RBMS2: variants seen among roughly 807,000 people sequenced by gnomAD.
The protein encoded by RBMS2 is RNA-binding motif, single-stranded-interacting protein 2.
In RBMS2, 38 loss-of-function variants were observed where a neutral mutation model predicts 58.4. That is an observed-to-expected ratio of 0.65 (90% CI 0.50 to 0.85). The LOEUF (loss-of-function observed/expected upper bound fraction) is 0.85. RBMS2 is among the 40% of genes least tolerant of loss of function. The pLI, the probability that RBMS2 is intolerant of heterozygous loss-of-function variation, is 0.00. For missense variants in RBMS2, 367 were observed against 503.7 expected, an observed-to-expected ratio of 0.73 and a Z score of 2.60; for synonymous variants, 151 against 180.7, an observed-to-expected ratio of 0.84 and a Z score of 1.32.
At chr12:56,552,833 C>T (rs1415205616) in intron 1 of RBMS2, among the ~76,000 whole-genome samples, 1 of 151,362 alleles carries the variant, frequency 6.6e-6, no homozygotes, top group African/African-American at 2.4e-5. Context: ...CAGTGCAAGA[C>T]CCTGTCTCAA....
At chr12:56,561,952 C>T (rs899801817) in intron 1 of RBMS2, among the ~76,000 whole-genome samples, 2 of 152,120 alleles carry the variant, frequency 1.3e-5, no homozygotes, top group African/African-American at 4.8e-5. Context: ...GGACTACAGG[C>T]GCCCACCACC....
chr12:56,523,851 G>A (rs1292934008), intron 1 of RBMS2, among the ~76,000 whole-genome samples: 14 of 152,092 alleles, frequency 9.2e-5, no homozygotes, highest in Admixed American at 9.2e-4. Flanking sequence ...TCAAATATAT[G>A]TATAGATAAT....
intron 1 of RBMS2, among the ~76,000 whole-genome samples, chr12:56,550,347 A>T (rs1878023463): frequency 6.6e-6 from 1 of 152,028 alleles, no homozygotes; most frequent in Non-Finnish European, 1.5e-5. Context: ...CCTGAGCGAC[A>T]TGGTGAAACC....
intron 5 of RBMS2, among the ~76,000 whole-genome samples, chr12:56,578,957 C>A (rs976126497): frequency 3.9e-5 from 6 of 151,988 alleles, no homozygotes; most frequent in African/African-American, 7.2e-5. Flanking sequence ...GAGCGAGACT[C>A]CATCTAAAAA....
intron 1 of RBMS2, among the ~76,000 whole-genome samples, chr12:56,542,530 C>CTTTTTTTTTTTTTTTTGTTTTTTTTTTTT (rs11295563): frequency 8.0e-6 from 1 of 124,302 alleles, no homozygotes; most frequent in African/African-American, 3.0e-5. Context: ...CCTGTGTTTC[C>CTTTTTTTTTTTTTTTTGTTTTTTTTTTTT]TTTTTTTTTT....
Position 56,568,283 on chromosome 12 carries a change from T to C in RBMS2, c.234-692T>C, listed in dbSNP as rs145686773. 1.4e-3 allele frequency among the ~76,000 whole-genome samples: 215 copies of C among 152,324 alleles called. 1 individual carries two copies. Among genetic ancestry groups the C allele is most frequent in the African/African-American group, 4.9e-3 (204 of 41,580 alleles). The stretch of plus-strand genomic sequence containing the variant: ...GTGTTTTCCAAAAGAAAATAAGTAA[T>C]GGCAAGGATTCTTTTTAGTCCTCAG... On this transcript the variant is annotated intron_variant, in intron 2 of 13. Coordinates refer to ENST00000262031, the MANE Select transcript of RBMS2 (RefSeq NM_002898.4).
rs746713569 is a variant in RBMS2 at position 56,586,899 on chromosome 12, C to A, written c.924C>A (p.His308Gln). The change falls in exon 10 of 14, where the codon CAC becomes CAA. Residue 308 changes from histidine (H) to glutamine (Q), a missense_variant. This residue lies in a region of RBMS2 where 220 missense variants were observed against 261.1 expected (regional missense o/e 0.84). Coordinates refer to ENST00000262031, the MANE Select transcript of RBMS2 (RefSeq NM_002898.4). ...PLQVPNPSWM[H>Q]HHSYLMQPSG... is the part of the protein sequence containing the mutation. ...AAGTACCTAACCCATCCTGGATGCA[C>A]CACCATTCATACCTCATGCAGCCTT... is the stretch of plus-strand genomic sequence containing the variant. The A allele has an allele frequency of 3.1e-6, 5 of 1,613,832 alleles. No individual in the cohort carries two copies. Among genetic ancestry groups the A allele is most frequent in the South Asian group, 1.1e-5 (1 of 91,078 alleles).
intron 8 of RBMS2, 31 bp downstream of exon 8, chr12:56,581,910 A>C (rs757593931): frequency 5.7e-5 from 92 of 1,608,316 alleles, no homozygotes; most frequent in Non-Finnish European, 5.6e-5. Flanking sequence ...GCCACCTGAA[A>C]ATGATAATGG....
chr12:56,581,453 A>G lies in RBMS2; in HGVS notation c.677A>G (p.Gln226Arg), dbSNP rs1283710555. The change falls in exon 7 of 14, where the codon CAG becomes CGG. Residue 226 changes from glutamine to arginine, a missense_variant. Physicochemically the swap from Gln to Arg is conservative, Grantham distance 43. This residue lies in a region of RBMS2 where 220 missense variants were observed against 261.1 expected (regional missense o/e 0.84). Coordinates refer to ENST00000262031, the MANE Select transcript of RBMS2 (RefSeq NM_002898.4). ...GCTGATGGCGGGCCAAAGAAACGAC[A>G]GAACCAAGGAAAATTTGTGCAAAAT... ...KFADGGPKKR[Q>R]NQGKFVQNGR... The G allele has an allele frequency of 6.2e-7, 1 of 1,614,248 alleles. No homozygotes were observed. Among genetic ancestry groups the G allele is most frequent in the Non-Finnish European group, 8.5e-7 (1 of 1,180,046 alleles).
At position 56,549,703 on chromosome 12, in the gene RBMS2, A is replaced by G. The variant is rs540796706; in HGVS notation, c.67-12714A>G. Among the ~76,000 whole-genome samples the G allele has an allele frequency of 2.6e-5, 4 of 152,262 alleles. No homozygotes were observed. The East Asian group carries it at 7.7e-4, about 29-fold the overall frequency. ...TAGTTTGAAATGGTTCTCAAGGGCC[A>G]TCAGTCTTATGTCAGGCCCTATGCT... On this transcript the variant is annotated intron_variant, in intron 1 of 13. Transcript: ENST00000262031.
chr12:56,570,000 C>G lies in RBMS2; in HGVS notation c.384+10C>G, dbSNP rs200002082. 6 of 1,598,840 alleles carry G rather than the reference C, an allele frequency of 3.8e-6. No homozygotes were observed. The East Asian group carries it at 1.1e-4, about 30-fold the overall frequency. On this transcript the variant is annotated intron_variant, in intron 4 of 13. Transcript: ENST00000262031. ...GGCACAGATGGCAAAGGTAAGGGTA[C>G]TACCCCATGTCTGTTCCTCCAAGGG...
chr12:56,583,558 G>A (rs1289072573), intron 9 of RBMS2, among the ~76,000 whole-genome samples: 1 of 152,046 alleles, frequency 6.6e-6, no homozygotes, highest in Non-Finnish European at 1.5e-5. Flanking sequence ...GGAGGCTGAG[G>A]CCAGAGAATT....
At chr12:56,581,345 G>C (rs572091144) in intron 6 of RBMS2, 54 bp from the exon 7 acceptor site, 1 of 1,597,186 alleles carries the variant, frequency 6.3e-7, no homozygotes, top group African/African-American at 1.3e-5. Flanking sequence ...GCATGACTGT[G>C]CCTGGGCCAC....
At chr12:56,527,049 G>A (rs950869123) in intron 1 of RBMS2, among the ~76,000 whole-genome samples, 2 of 152,164 alleles carry the variant, frequency 1.3e-5, no homozygotes, top group Non-Finnish European at 2.9e-5. Flanking sequence ...GCTGACTGGT[G>A]GGTACTGCCA....
At position 56,533,635 on chromosome 12, in the gene RBMS2, C is replaced by T. The variant is rs200796234; in HGVS notation, c.66+11546C>T. On this transcript the variant is annotated intron_variant, in intron 1 of 13. Transcript: ENST00000262031. ...TTCACCATGTTGACCAGGTTGGTCT[C>T]GAACTCCTGACTTCAAGTGATTCGC... Among the ~76,000 whole-genome samples, 81 of 151,518 alleles carry T rather than the reference C, an allele frequency of 5.3e-4. No individual in the cohort carries two copies. In the East Asian group the frequency reaches 0.015, roughly 27 times the overall value.
At chr12:56,536,641 C>T (rs1874915513) in intron 1 of RBMS2, among the ~76,000 whole-genome samples, 1 of 151,124 alleles carries the variant, frequency 6.6e-6, no homozygotes, top group Non-Finnish European at 1.5e-5. Flanking sequence ...GATCTTGGCT[C>T]ACTGCAACCT....
chr12:56,542,083 T>C (rs1034435601), intron 1 of RBMS2, among the ~76,000 whole-genome samples: 2 of 151,998 alleles, frequency 1.3e-5, no homozygotes, highest in Non-Finnish European at 2.9e-5. Flanking sequence ...AGGGTCTCAC[T>C]GTCATCCTGG....
chr12:56,575,004 C>T lies in RBMS2; in HGVS notation c.542+3149C>T, dbSNP rs552740729. On this transcript the variant is annotated intron_variant, in intron 5 of 13. Transcript: ENST00000262031. ...TCTACTAAAAATACAAAAAATTAGC[C>T]GGGCGTGGTGGCGGGCGCCTGTAGT... is the stretch of plus-strand genomic sequence containing the variant. Among the ~76,000 whole-genome samples, 134 of 151,038 alleles carry T rather than the reference C, an allele frequency of 8.9e-4. 1 individual carries two copies. The highest frequency in any genetic ancestry group is 2.9e-3 in the African/African-American group (120 of 41,064).
chr12:56,564,886 A>G (rs866976613), intron 2 of RBMS2, among the ~76,000 whole-genome samples: 36 of 152,244 alleles, frequency 2.4e-4, no homozygotes, highest in African/African-American at 7.9e-4. Flanking sequence ...AGGCAGAAGA[A>G]TCTCTTGAAC....
Sources: allele counts gnomAD v4.1 joint callset (sites outside exome capture counted in the v4.1 genomes callset), GRCh38; gene constraint gnomAD v4.1.1; regional missense constraint gnomAD v4.1.1; transcripts MANE v1.5; gene names NCBI Gene and HGNC (gene_info 2026-07-23, HGNC 2026-07-21).